Variants in AUNIP observed in about 807,000 individuals in gnomAD.
AUNIP encodes aurora kinase A- and ninein-interacting protein.
A neutral mutation model predicts 12.2 loss-of-function variants in AUNIP; 16 were observed. The ratio of observed to expected loss-of-function variants is 1.31; its 90% CI spans 0.88 to 1.99. The LOEUF is 1.99. Ranked by LOEUF, AUNIP falls within the 30% of genes most tolerant of loss-of-function variation. AUNIP has a pLI of 0.00. For synonymous variants in AUNIP, 142 were observed against 154.8 expected (o/e 0.92, Z 0.61); for missense variants, 411 against 419.1 (o/e 0.98, Z 0.17).
In AUNIP at chr1:25,847,842, G is replaced by A. The variant is rs1294472189; in HGVS notation, c.79-10288C>T. 2.0e-5 allele frequency among the ~76,000 whole-genome samples: 3 copies of A among 151,730 alleles called. No individual in the cohort carries two copies. On this transcript the variant is annotated intron_variant, in intron 1 of 2. Coordinates refer to ENST00000374298, the MANE Select transcript of AUNIP (RefSeq NM_024037.3). The surrounding 1 kb of genome is among the most constrained non-coding windows in gnomAD (Gnocchi z 4.2). ...TGCCTGTGGTCCCTGCTACTTGGGA[G>A]GCTGAGGTGAGAGAATCGATTGAGC...
At position 25,837,483 on chromosome 1, in the gene AUNIP, A is replaced by G. The variant is rs72879419; in HGVS notation, c.150T>C (p.Phe50=). The G allele has an allele frequency of 6.2e-7, 1 of 1,614,066 alleles. No individual in the cohort carries two copies. Among genetic ancestry groups the G allele is most frequent in the Non-Finnish European group, 8.5e-7 (1 of 1,179,920 alleles). The stretch of plus-strand genomic sequence containing the variant: ...CTGTAGATGGAGCTCTTCTTTGAGT[A>G]AAATAAATATTAGCCTTTCTTTCTC... ...LPGERKANIY[F]TQRRAPSTGI... Residue 50 remains phenylalanine, a synonymous_variant, in exon 2 of 3, where the codon TTT becomes TTC. Coordinates refer to ENST00000374298, the MANE Select transcript of AUNIP (RefSeq NM_024037.3).
In AUNIP at chr1:25,835,092, C is replaced by G; in HGVS notation, c.975G>C (p.Trp325Cys). ...TTGGCCCATCCTCCTGGCACTGAGC[C>G]CAAGGACTGTTAGGAAACGGCCCTA... ...WDLGPFPNSP[W>C]AQCQEDGPTQ... Residue 325 changes from tryptophan (W) to cysteine (C), a missense_variant, in exon 3 of 3, where the codon TGG becomes TGC. Coordinates refer to ENST00000374298, the MANE Select transcript of AUNIP (RefSeq NM_024037.3). 1 of 1,614,196 alleles carries G rather than the reference C, an allele frequency of 6.2e-7. No individual in the cohort carries two copies. Among genetic ancestry groups the G allele is most frequent in the Non-Finnish European group, 8.5e-7 (1 of 1,180,042 alleles).
At chr1:25,843,804 T>C (rs1258705641) in intron 1 of AUNIP, among the ~76,000 whole-genome samples, 1 of 151,956 alleles carries the variant, frequency 6.6e-6, no homozygotes, top group Admixed American at 6.6e-5. Context: ...TGTGACTGAA[T>C]TGATACACTC....
chr1:25,835,700 T>C lies in AUNIP; in HGVS notation c.367A>G (p.Thr123Ala), dbSNP rs2048296860. 6.2e-7 allele frequency: 1 copy of C among 1,614,212 alleles called. No homozygotes were observed. Among genetic ancestry groups the C allele is most frequent in the Non-Finnish European group, 8.5e-7 (1 of 1,180,036 alleles). ...CCAGCTTCCTGGATGTCTGCAGTGG[T>C]TGAAGTGGCTAAAGGGGATGCCATG... Reference protein sequence around the residue: ...DCMASPLATSTTADIQEAGLS... With the variant: ...DCMASPLATSATADIQEAGLS... The change falls in exon 3 of 3, where the codon ACC becomes GCC. Residue 123 changes from threonine to alanine, a missense_variant. Coordinates refer to ENST00000374298, the MANE Select transcript of AUNIP (RefSeq NM_024037.3).
Position 25,837,494 on chromosome 1 carries a change from T to A in AUNIP, c.139A>T (p.Asn47Tyr), listed in dbSNP as rs1273774699. The A allele has an allele frequency of 2.5e-6, 4 of 1,613,736 alleles. No homozygotes were observed. In the Admixed American group the frequency reaches 6.7e-5, roughly 27 times the overall value. ...GCTCTTCTTTGAGTAAAATAAATATTAGCCTTTCTTTCTCCAGGAAGGAGT... is the reference window on the plus strand; with the variant it reads ...GCTCTTCTTTGAGTAAAATAAATATAAGCCTTTCTTTCTCCAGGAAGGAGT... ...LTLLPGERKA[N>Y]IYFTQRRAPS... Residue 47 changes from asparagine to tyrosine, a missense_variant, in exon 2 of 3, where the codon AAT becomes TAT. Asn to Tyr is a moderately radical substitution (Grantham distance 143). Transcript: ENST00000374298.
intron 1 of AUNIP, among the ~76,000 whole-genome samples, chr1:25,846,732 C>T (rs903405759): frequency 5.3e-5 from 8 of 152,134 alleles, no homozygotes; most frequent in Non-Finnish European, 1.0e-4. Context: ...AAGGGTACTC[C>T]CTGCTAATGA....
At chr1:25,852,799 T>C (rs557171902) in intron 1 of AUNIP, among the ~76,000 whole-genome samples, 5 of 152,206 alleles carry the variant, frequency 3.3e-5, no homozygotes, top group Non-Finnish European at 7.3e-5. Context: ...ATAGTGTTAG[T>C]TGCATCCCAT....
downstream of AUNIP, chr1:25,832,916 AAAGG>A (rs1307745018): frequency 1.3e-5 from 2 of 152,402 alleles, no homozygotes; most frequent in Non-Finnish European, 2.9e-5. Flanking sequence ...ACCTGACATT[AAAGG>A]AAGGACTTGG....
chr1:25,842,769 G>A (rs1171688796), intron 1 of AUNIP, among the ~76,000 whole-genome samples: 1 of 152,096 alleles, frequency 6.6e-6, no homozygotes, highest in African/African-American at 2.4e-5. Flanking sequence ...CTCTGCCTGT[G>A]GTCTATAAAT....
At chr1:25,843,107 G>T (rs2048356654) in intron 1 of AUNIP, among the ~76,000 whole-genome samples, 1 of 151,004 alleles carries the variant, frequency 6.6e-6, no homozygotes, top group African/African-American at 2.4e-5. Flanking sequence ...CTTGAGCCCA[G>T]GCTGGAGTGT....
Position 25,835,570 on chromosome 1 carries a change from T to C in AUNIP, c.497A>G (p.Asp166Gly), listed in dbSNP as rs751613386. 1.6e-4 allele frequency: 264 copies of C among 1,614,106 alleles called. No homozygotes were observed. Among genetic ancestry groups the C allele is most frequent in the Non-Finnish European group, 2.2e-4 (260 of 1,180,040 alleles). Residue 166 changes from aspartate (D) to glycine (G), a missense_variant, in exon 3 of 3, where the codon GAT (aspartate) becomes GGT (glycine). Transcript: ENST00000374298. Reference sequence around the variant, plus strand: ...GGAAAAAGCCAGTGGGGTATGACTATCTCCAGCACAGTCTGGAGTATCAGG... The same window carrying C: ...GGAAAAAGCCAGTGGGGTATGACTACCTCCAGCACAGTCTGGAGTATCAGG... ...LQPDTPDCAGDSHTPLAFSFT... is the reference protein window; with the variant it reads ...LQPDTPDCAGGSHTPLAFSFT...
In AUNIP at chr1:25,837,572, A is replaced by G; in HGVS notation, c.79-18T>C. On this transcript the variant is annotated intron_variant, in intron 1 of 2. Transcript: ENST00000374298. ...AAATGTGTCTGAGAAAGGAGAGAAAAAAGAATAATGAGCCTATTAATATTA... is the reference window on the plus strand; with the variant it reads ...AAATGTGTCTGAGAAAGGAGAGAAAGAAGAATAATGAGCCTATTAATATTA... 6.2e-7 allele frequency: 1 copy of G among 1,607,676 alleles called. No homozygotes were observed. Among genetic ancestry groups the G allele is most frequent in the Non-Finnish European group, 8.5e-7 (1 of 1,176,306 alleles).
At chr1:25,858,942 G>A (rs1170515831) in intron 1 of AUNIP, among the ~76,000 whole-genome samples, 2 of 152,146 alleles carry the variant, frequency 1.3e-5, no homozygotes, top group African/African-American at 4.8e-5. Context: ...GTCTCGCAGG[G>A]ACTGTGGCCT....
intron 1 of AUNIP, among the ~76,000 whole-genome samples, chr1:25,846,673 G>A (rs919691562): frequency 3.3e-5 from 5 of 152,108 alleles, no homozygotes; most frequent in Non-Finnish European, 7.4e-5. Context: ...CGGTGAGATC[G>A]CACCACTGCA....
At chr1:25,856,074 T>C (rs1480429601) in intron 1 of AUNIP, among the ~76,000 whole-genome samples, 1 of 152,106 alleles carries the variant, frequency 6.6e-6, no homozygotes, top group African/African-American at 2.4e-5. Context: ...GGTATAAGAA[T>C]TATAGACAGA....
rs567663691 is a variant in AUNIP at position 25,853,055 on chromosome 1, T to C, written c.78+6225A>G. Among the ~76,000 whole-genome samples, 18 of 152,328 alleles carry C rather than the reference T, an allele frequency of 1.2e-4. No homozygotes were observed. In the South Asian group the frequency reaches 3.3e-3, roughly 28 times the overall value. Reference sequence around the variant, plus strand: ...GATTTGTTTTGTGACCTAGTATTTGTGGAGAATGTTCCATGTGTCATGGAG... The same window carrying C: ...GATTTGTTTTGTGACCTAGTATTTGCGGAGAATGTTCCATGTGTCATGGAG... On this transcript the variant is annotated intron_variant, in intron 1 of 2. Transcript: ENST00000374298.
Position 25,835,289 on chromosome 1 carries a change from C to A in AUNIP, c.778G>T (p.Glu260Ter), listed in dbSNP as rs368051948. ...YRESWNGENIESVKQSRSPVS... is the reference protein window; with the variant it reads ...YRESWNGENI Reference sequence around the variant, plus strand: ...GGACTACGGCTTTGTTTCACTGATTCTATGTTTTCTCCATTCCAGGATTCC... The same window carrying A: ...GGACTACGGCTTTGTTTCACTGATTATATGTTTTCTCCATTCCAGGATTCC... Residue 260 changes from glutamate to a stop codon, truncating the protein, a stop_gained, in exon 3 of 3, where the codon GAA becomes TAA. Coordinates refer to ENST00000374298, the MANE Select transcript of AUNIP (RefSeq NM_024037.3). LOFTEE classifies it high-confidence loss of function. 2 of 1,614,114 alleles carry A rather than the reference C, an allele frequency of 1.2e-6. No homozygotes were observed.
At chr1:25,852,264 TC>T (rs2124512486) in intron 1 of AUNIP, among the ~76,000 whole-genome samples, 1 of 152,120 alleles carries the variant, frequency 6.6e-6, no homozygotes, top group East Asian at 1.9e-4. Context: ...TTATTCTTGA[TC>T]AGTCTAGCTA....
chr1:25,855,782 AG>A (rs1453267681), intron 1 of AUNIP, among the ~76,000 whole-genome samples: 2 of 152,208 alleles, frequency 1.3e-5, no homozygotes, highest in Non-Finnish European at 2.9e-5. Context: ...CACTCTAGGA[AG>A]AGGCACCTTG....
Sources: gnomAD v4.1 joint callset for allele counts (sites outside exome capture counted in the v4.1 genomes callset) on GRCh38, gnomAD v4.1.1 for gene constraint, Gnocchi (gnomAD v3.1) non-coding constraint, MANE v1.5 for transcripts, NCBI Gene and HGNC (gene_info 2026-07-23, HGNC 2026-07-21) for gene names.